BLNK: variants seen among roughly 807,000 people sequenced by gnomAD.
The protein encoded by BLNK is B-cell linker protein.
In BLNK, 29 loss-of-function variants were observed where a neutral mutation model predicts 73.5. The observed-to-expected ratio is 0.39, with a 90% confidence interval of 0.29 to 0.54. The LOEUF is 0.54. Among genes scored for constraint, BLNK ranks in the 20% least tolerant of loss-of-function variants. BLNK has a pLI of 0.61. For synonymous variants in BLNK, 176 were observed against 200.8 expected (o/e 0.88, Z 1.04); for missense variants, 460 against 562.8 (o/e 0.82, Z 1.85).
chr10:96,239,601 G>T (rs1842817682), intron 3 of BLNK, among the ~76,000 whole-genome samples: 1 of 152,164 alleles, frequency 6.6e-6, no homozygotes, highest in African/African-American at 2.4e-5. Flanking sequence ...AAGAGATGAT[G>T]AAGGCCTTAG....
At position 96,189,394 on chromosome 10, in the gene BLNK, T is replaced by TA. The variant is rs781875423; in HGVS notation, c.*2578dup. ...CTTCCTCCACTGCCAGGATCTTGAA[T>TA]AGTCTCCTGGTCAGTTGTCCGGAAG... On this transcript the variant is annotated 3_prime_UTR_variant, in exon 17 of 17. Coordinates refer to ENST00000224337, the MANE Select transcript of BLNK (RefSeq NM_013314.4). The TA allele has an allele frequency of 1.5e-5, 9 of 585,536 alleles. No homozygotes were observed. The highest frequency in any genetic ancestry group is 7.9e-5 in the Admixed American group (4 of 50,420). 36.3% of individuals were successfully genotyped at this position (585,536 alleles called of 1,614,324 possible). A position where few individuals can be genotyped will look rare whatever the true frequency, so the allele number is the denominator to read the frequency against.
At chr10:96,226,541 A>C (rs782441017) in intron 5 of BLNK, among the ~76,000 whole-genome samples, 8 of 152,196 alleles carry the variant, frequency 5.3e-5, no homozygotes, top group Non-Finnish European at 1.5e-5. Flanking sequence ...AAAGATGGGC[A>C]TTAAAATGCA....
At chr10:96,263,934 C>T (rs772877240) in intron 1 of BLNK, among the ~76,000 whole-genome samples, 31 of 152,188 alleles carry the variant, frequency 2.0e-4, no homozygotes, top group Non-Finnish European at 3.5e-4. Flanking sequence ...TAGAGGACGG[C>T]AGCCAGCATC....
rs1227653556 is a variant in BLNK, at chr10:96,189,415, G to A, written c.*2558C>T. 1.7e-5 allele frequency: 10 copies of A among 597,532 alleles called. No homozygotes were observed. Among genetic ancestry groups the A allele is most frequent in the East Asian group, 1.6e-4 (4 of 24,966 alleles). The allele number at this position is 597,532 out of a possible 1,614,324, so 37.0% of individuals were successfully genotyped here. On this transcript the variant is annotated 3_prime_UTR_variant, in exon 17 of 17. Transcript: ENST00000224337. ...TGAATAGTCTCCTGGTCAGTTGTCCGGAAGCAATTCTTCACATAATTGATG... is the reference window on the plus strand; with the variant it reads ...TGAATAGTCTCCTGGTCAGTTGTCCAGAAGCAATTCTTCACATAATTGATG...
At chr10:96,265,812 C>T (rs1402737800) in intron 1 of BLNK, among the ~76,000 whole-genome samples, 1 of 152,210 alleles carries the variant, frequency 6.6e-6, no homozygotes, top group Non-Finnish European at 1.5e-5. Context: ...GCAATAGGGA[C>T]ATTTTGGGCC....
intron 3 of BLNK, among the ~76,000 whole-genome samples, chr10:96,240,424 AT>A (rs34308066): frequency 0.22 from 34,095 of 151,928 alleles, 4,353 homozygotes; most frequent in Non-Finnish European, 0.29. Context: ...TTTTCTTAAT[AT>A]TTTTTTCTTA....
At position 96,191,256 on chromosome 10, in the gene BLNK, T is replaced by A. The variant is rs1188683260; in HGVS notation, c.*717A>T. 6.8e-6 allele frequency among the ~76,000 whole-genome samples: 1 copy of A among 146,634 alleles called. No homozygotes were observed. Among genetic ancestry groups the A allele is most frequent in the Non-Finnish European group, 1.5e-5 (1 of 66,224 alleles). On this transcript the variant is annotated 3_prime_UTR_variant, in exon 17 of 17. Coordinates refer to ENST00000224337, the MANE Select transcript of BLNK (RefSeq NM_013314.4). ...ACCTCTTTTTTTTTTTTTTTTTTTA[T>A]GTAAATCACCCAGTCTTGAGTATGT...
At chr10:96,254,357 C>T (rs1477404420) in intron 1 of BLNK, among the ~76,000 whole-genome samples, 3 of 152,180 alleles carry the variant, frequency 2.0e-5, no homozygotes, top group Non-Finnish European at 4.4e-5. Flanking sequence ...CAGGCATTCA[C>T]CTTTACCTGG....
In BLNK at chr10:96,211,129, G is replaced by T. The variant is rs139031348; in HGVS notation, c.677-1222C>A. On this transcript the variant is annotated intron_variant, in intron 8 of 16. Coordinates refer to ENST00000224337, the MANE Select transcript of BLNK (RefSeq NM_013314.4). ...TCCACCTGCCTTGGTCTCCCAAAGT[G>T]CTGGGATTACAGGAATGAGCCACGG... is the stretch of plus-strand genomic sequence containing the variant. Among the ~76,000 whole-genome samples, 476 of 152,268 alleles carry T rather than the reference G, an allele frequency of 3.1e-3. 5 individuals are homozygous for T. The highest frequency in any genetic ancestry group is 0.011 in the African/African-American group (447 of 41,542).
intron 4 of BLNK, among the ~76,000 whole-genome samples, chr10:96,230,228 C>G (rs1438945127): frequency 2.0e-5 from 3 of 152,124 alleles, no homozygotes; most frequent in African/African-American, 7.2e-5. Flanking sequence ...TCTGTGGCTC[C>G]GGAGCTCTGC....
intron 7 of BLNK, among the ~76,000 whole-genome samples, chr10:96,215,684 C>T (rs1340268041): frequency 6.6e-6 from 1 of 151,984 alleles, no homozygotes; most frequent in Non-Finnish European, 1.5e-5. Context: ...TTTCATTTGC[C>T]AAGTGGGAGG....
At chr10:96,224,120 C>A (rs912663481) in intron 5 of BLNK, 131 bp from the exon 6 acceptor site, 4 of 1,061,842 alleles carry the variant, frequency 3.8e-6, no homozygotes, top group Non-Finnish European at 1.4e-6. Context: ...CGGGGCATTC[C>A]TTGAAAGAGT....
At chr10:96,218,438 C>A (rs889442356) in intron 6 of BLNK, among the ~76,000 whole-genome samples, 2 of 152,150 alleles carry the variant, frequency 1.3e-5, no homozygotes, top group Non-Finnish European at 2.9e-5. Flanking sequence ...TGCCTGTAAT[C>A]CCAGAACTTT....
At chr10:96,208,300 T>A (rs1005735111) in intron 9 of BLNK, among the ~76,000 whole-genome samples, 1 of 152,162 alleles carries the variant, frequency 6.6e-6, no homozygotes, top group Non-Finnish European at 1.5e-5. Flanking sequence ...AACAGCTCCC[T>A]GTGGGGGTTA....
chr10:96,247,839 T>G (rs1843114298), intron 1 of BLNK, among the ~76,000 whole-genome samples: 1 of 152,206 alleles, frequency 6.6e-6, no homozygotes, highest in Non-Finnish European at 1.5e-5. Context: ...GGGCCACTCC[T>G]TCATTTACAT....
intron 8 of BLNK, 118 bp downstream of exon 8, chr10:96,215,203 G>C: frequency 8.9e-7 from 1 of 1,123,008 alleles, no homozygotes; most frequent in Non-Finnish European, 1.3e-6. Context: ...GATGAGGACT[G>C]GCCTTCTGTT....
chr10:96,230,615 G>A (rs1381448241), intron 4 of BLNK, among the ~76,000 whole-genome samples, 179 bp downstream of exon 4: 3 of 152,188 alleles, frequency 2.0e-5, no homozygotes, highest in African/African-American at 4.8e-5. Flanking sequence ...TTAGCCAGGC[G>A]CACACTGAGT....
intron 6 of BLNK, among the ~76,000 whole-genome samples, chr10:96,217,151 C>T (rs74387388): frequency 1.3e-4 from 20 of 152,094 alleles, no homozygotes; most frequent in Admixed American, 2.6e-4. Flanking sequence ...TCACAACTCC[C>T]GTCTTTTTAT....
intron 8 of BLNK, among the ~76,000 whole-genome samples, chr10:96,212,579 TCA>T (rs1554898880): frequency 5.9e-5 from 9 of 152,172 alleles, no homozygotes; most frequent in African/African-American, 9.7e-5. Flanking sequence ...TACTGGCTTC[TCA>T]AGCACAGCGG....
Sources: allele counts gnomAD v4.1 joint callset (sites outside exome capture counted in the v4.1 genomes callset), GRCh38; gene constraint gnomAD v4.1.1; transcripts MANE v1.5; gene names NCBI Gene and HGNC (gene_info 2026-07-23, HGNC 2026-07-21).